LPP: variants seen among roughly 807,000 people sequenced by gnomAD.
LPP encodes LIM domain containing preferred translocation partner in lipoma, also known as lipoma-preferred partner.
LPP carries 38 observed loss-of-function variants against 60.4 expected under a neutral mutation model. The observed-to-expected ratio is 0.63, with a 90% confidence interval of 0.49 to 0.83. The LOEUF (loss-of-function observed/expected upper bound fraction) is 0.83, where lower values mean the gene tolerates loss of function less well. Ranked by LOEUF, LPP falls within the 40% of genes least tolerant of loss-of-function variation. The pLI, the probability that LPP is intolerant of heterozygous loss-of-function variation, is 0.00. For missense variants in LPP, 902 were observed against 783.6 expected (o/e 1.15, Z -1.80); for synonymous variants, 328 against 290.8 (o/e 1.13, Z -1.30).
chr3:188,250,772 T>TCTGTCTTTC (rs1560158516), intron 2 of LPP, among the ~76,000 whole-genome samples: 108 of 111,092 alleles, frequency 9.7e-4, no homozygotes, highest in African/African-American at 4.2e-3. Context: ...CTTTCTTTCT[T>TCTGTCTTTC]TCTTTCTTTC....
At chr3:188,747,206 C>G (rs1268136445) in intron 8 of LPP, among the ~76,000 whole-genome samples, 1 of 152,134 alleles carries the variant, frequency 6.6e-6, no homozygotes, top group African/African-American at 2.4e-5. Context: ...GCTTTCCATG[C>G]CTTTCTTCTG....
At chr3:188,212,509 A>G (rs1711623206) in intron 1 of LPP, 1 of 152,180 alleles carries the variant, frequency 6.6e-6, no homozygotes, top group South Asian at 2.1e-4. Flanking sequence ...GATTTTTCTG[A>G]CATCCTCCAG....
At chr3:188,164,743 C>T (rs543970364) in intron 1 of LPP, among the ~76,000 whole-genome samples, 41 of 152,254 alleles carry the variant, frequency 2.7e-4, no homozygotes, top group African/African-American at 9.6e-4. Flanking sequence ...ATAGCTTTAC[C>T]TGGAGAATAT....
intron 4 of LPP, among the ~76,000 whole-genome samples, chr3:188,452,655 C>T (rs1198822097): frequency 6.6e-6 from 1 of 152,026 alleles, no homozygotes; most frequent in East Asian, 2.0e-4. Context: ...GCCCCCTAAC[C>T]TTAAAGTCTT....
intron 1 of LPP, among the ~76,000 whole-genome samples, chr3:188,190,491 C>A (rs1047541123): frequency 8.5e-5 from 13 of 152,180 alleles, no homozygotes; most frequent in African/African-American, 3.1e-4. Flanking sequence ...TCCTTTCACG[C>A]TCTAACTGTG....
At chr3:188,392,586 A>G (rs1779967663) in intron 3 of LPP, among the ~76,000 whole-genome samples, 1 of 152,172 alleles carries the variant, frequency 6.6e-6, no homozygotes, top group Non-Finnish European at 1.5e-5. Flanking sequence ...TTTTCCCTAC[A>G]TTTCATGCAA....
intron 4 of LPP, among the ~76,000 whole-genome samples, chr3:188,459,612 T>C (rs1798535552): frequency 6.6e-6 from 1 of 152,184 alleles, no homozygotes; most frequent in Non-Finnish European, 1.5e-5. Context: ...TTATTAGTAC[T>C]CCTACTTTCC....
In LPP at chr3:188,249,863, C is replaced by A. The variant is rs1375741785; in HGVS notation, c.-67+24336C>A. On this transcript the variant is annotated intron_variant, in intron 2 of 11. Coordinates refer to ENST00000617246, the MANE Select transcript of LPP (RefSeq NM_001375462.1). ...ACACACACACACACACACACACACA[C>A]ACACACAGTCTCCCCCACCCCATAT... is the stretch of plus-strand genomic sequence containing the variant. Among the ~76,000 whole-genome samples, 3 of 142,554 alleles carry A rather than the reference C, an allele frequency of 2.1e-5. No homozygotes were observed. The South Asian group carries it at 6.9e-4, about 33-fold the overall frequency. The allele number at this position is 142,554 out of a possible 152,430, so 93.5% of individuals were successfully genotyped here.
intron 9 of LPP, among the ~76,000 whole-genome samples, chr3:188,852,965 G>A (rs1763008895): frequency 6.6e-6 from 1 of 152,000 alleles, no homozygotes; most frequent in Non-Finnish European, 1.5e-5. Context: ...CAAACATGGT[G>A]AAACCCCATC....
At chr3:188,328,818 G>A (rs1230767566) in intron 2 of LPP, among the ~76,000 whole-genome samples, 2 of 152,114 alleles carry the variant, frequency 1.3e-5, no homozygotes, top group African/African-American at 2.4e-5. Context: ...TTTTGATTAT[G>A]CTAACATTTT....
chr3:188,534,393 T>C (rs1423509478), intron 6 of LPP, among the ~76,000 whole-genome samples: 1 of 152,238 alleles, frequency 6.6e-6, no homozygotes, highest in Non-Finnish European at 1.5e-5. Context: ...CAACAGTATC[T>C]CAGTGGAAAT....
intron 9 of LPP, among the ~76,000 whole-genome samples, chr3:188,815,050 A>G (rs1261002864): frequency 6.6e-6 from 1 of 152,258 alleles, no homozygotes; most frequent in East Asian, 1.9e-4. Flanking sequence ...CGCGCACAAT[A>G]AAAGCTTAAT....
At chr3:188,363,012 A>C (rs1359064475) in intron 3 of LPP, among the ~76,000 whole-genome samples, 1 of 147,386 alleles carries the variant, frequency 6.8e-6, no homozygotes, top group Non-Finnish European at 1.5e-5. Context: ...TTATTATTAC[A>C]ATTATTATCT....
chr3:188,331,934 G>A (rs1276293212), intron 2 of LPP, among the ~76,000 whole-genome samples: 1 of 152,092 alleles, frequency 6.6e-6, no homozygotes, highest in African/African-American at 2.4e-5. Context: ...GATATAAAAT[G>A]CTTAGCTTAG....
intron 2 of LPP, among the ~76,000 whole-genome samples, chr3:188,300,279 T>G (rs1749346078): frequency 6.6e-6 from 1 of 152,178 alleles, no homozygotes; most frequent in Non-Finnish European, 1.5e-5. Context: ...AACACTGTAT[T>G]GTAAACATTC....
intron 3 of LPP, among the ~76,000 whole-genome samples, chr3:188,364,255 T>C (rs1438301314): frequency 6.6e-6 from 1 of 152,246 alleles, no homozygotes; most frequent in Non-Finnish European, 1.5e-5. Context: ...GAAGTCTTCA[T>C]ATCTAGTTTC....
intron 2 of LPP, among the ~76,000 whole-genome samples, chr3:188,275,342 G>A (rs1346666319): frequency 6.6e-6 from 1 of 152,294 alleles, no homozygotes; most frequent in Non-Finnish European, 1.5e-5. Flanking sequence ...GCCATAAACT[G>A]TGTTACCCAC....
intron 3 of LPP, among the ~76,000 whole-genome samples, chr3:188,373,753 T>C (rs1485836855): frequency 6.6e-6 from 1 of 152,110 alleles, no homozygotes; most frequent in Non-Finnish European, 1.5e-5. Flanking sequence ...TGCCATTGCT[T>C]TTGGTGTTTT....
intron 8 of LPP, among the ~76,000 whole-genome samples, chr3:188,726,267 A>G (rs1313863431): frequency 6.6e-6 from 1 of 152,048 alleles, no homozygotes; most frequent in Non-Finnish European, 1.5e-5. Flanking sequence ...CAATTTAGAG[A>G]AGGGTTTCAA....
Sources: allele counts gnomAD v4.1 joint callset (sites outside exome capture counted in the v4.1 genomes callset), GRCh38; gene constraint gnomAD v4.1.1; transcripts MANE v1.5; gene names NCBI Gene and HGNC (gene_info 2026-07-23, HGNC 2026-07-21).